C4orf50: variants seen among roughly 807,000 people sequenced by gnomAD.
C4orf50 encodes uncharacterized protein C4orf50.
A neutral mutation model predicts 77.2 loss-of-function variants in C4orf50; 80 were observed. The observed-to-expected ratio is 1.04, with a 90% confidence interval of 0.87 to 1.25. The LOEUF (loss-of-function observed/expected upper bound fraction) is 1.25, where lower values mean the gene tolerates loss of function less well. Ranked by LOEUF, C4orf50 falls within the 50% of genes most tolerant of loss-of-function variation. The probability of loss-of-function intolerance (pLI) is 0.00; values close to 1 mark genes in which losing one functional copy is unlikely to be tolerated. For synonymous variants in C4orf50, 532 were observed against 465.3 expected, an observed-to-expected ratio of 1.14 and a Z score of -1.84; for missense variants, 1,257 against 1,152.9, an observed-to-expected ratio of 1.09 and a Z score of -1.31.
In C4orf50 at chr4:5,932,278, T is replaced by G. The variant is rs539770019; in HGVS notation, c.*2474+24623A>C. On this transcript the variant is annotated intron_variant, in intron 7 of 7. Coordinates refer to the C4orf50 transcript ENST00000324058. This position sits in a 1 kb window ranked among gnomAD's most constrained non-coding sequence, Gnocchi z 4.2. ...TGGCACACTCTTTCCTTGGCCCATT[T>G]ATGGAGCACGCACATGAGTAGCGAG... is the stretch of plus-strand genomic sequence containing the variant. Among the ~76,000 whole-genome samples the G allele has an allele frequency of 2.6e-5, 4 of 152,258 alleles. No homozygotes were observed. In the South Asian group the frequency reaches 8.3e-4, roughly 32 times the overall value.
chr4:5,927,570 G>A (rs1006233562), intron 7 of C4orf50, among the ~76,000 whole-genome samples: 5 of 151,936 alleles, frequency 3.3e-5, no homozygotes, highest in Non-Finnish European at 7.4e-5. Flanking sequence ...TGGTGATAGT[G>A]AGGGAGTTCT....
At chr4:5,987,318 G>A (rs1419653031) in intron 28 of C4orf50, among the ~76,000 whole-genome samples, 1 of 147,812 alleles carries the variant, frequency 6.8e-6, no homozygotes, top group Non-Finnish European at 1.5e-5. Context: ...GGCTGAGGCA[G>A]GAGAACTGCT....
chr4:5,999,952 A>T (rs550798095), intron 25 of C4orf50, among the ~76,000 whole-genome samples: 2 of 152,286 alleles, frequency 1.3e-5, no homozygotes, highest in African/African-American at 4.8e-5. Context: ...GCTCAGTGTG[A>T]CTAAGGTGGC....
downstream of C4orf50, among the ~76,000 whole-genome samples, chr4:5,952,988 G>A (rs1002864763): frequency 6.6e-5 from 10 of 152,224 alleles, no homozygotes; most frequent in Non-Finnish European, 1.2e-4. The surrounding 1 kb of genome is among the most constrained non-coding windows in gnomAD (Gnocchi z 4.4). Context: ...GCTGCTGGGA[G>A]CCTCCTCTGT....
exon 31 of C4orf50, chr4:5,973,790 T>C (rs771120843): frequency 6.2e-7 from 1 of 1,613,520 alleles, no homozygotes. Context: ...AGCAGGTGGG[T>C]GATCAGGCGG....
intron 7 of C4orf50, among the ~76,000 whole-genome samples, chr4:5,917,411 T>C (rs917997938): frequency 9.6e-6 from 1 of 104,604 alleles, no homozygotes; most frequent in South Asian, 3.2e-4. Context: ...TATTTCTTTT[T>C]TTTTTTTTTT....
At chr4:5,966,291 C>T (rs1719558356) in intron 32 of C4orf50, among the ~76,000 whole-genome samples, 1 of 152,060 alleles carries the variant, frequency 6.6e-6, no homozygotes, top group Non-Finnish European at 1.5e-5. Flanking sequence ...GACTGGCCAA[C>T]ATGGAGAAAC....
chr4:5,985,849 G>A (rs2108786010), intron 28 of C4orf50, among the ~76,000 whole-genome samples: 1 of 152,226 alleles, frequency 6.6e-6, no homozygotes, highest in Non-Finnish European at 1.5e-5. Context: ...GGTGCCAGTA[G>A]TCTCAGCTAC....
chr4:5,902,107 CT>C (rs1187801948), intron 7 of C4orf50: 2 of 152,196 alleles, frequency 1.3e-5, no homozygotes, highest in East Asian at 1.9e-4. Context: ...TGAATGAAAC[CT>C]GGTGACTGAC....
At chr4:5,991,079 T>C (rs1157454337) in intron 27 of C4orf50, among the ~76,000 whole-genome samples, 1 of 152,164 alleles carries the variant, frequency 6.6e-6, no homozygotes, top group African/African-American at 2.4e-5. Context: ...CAAATGTGAC[T>C]TCCTTGAAAA....
At chr4:5,948,828 G>A (rs1223611013) in intron 7 of C4orf50, among the ~76,000 whole-genome samples, 1 of 151,688 alleles carries the variant, frequency 6.6e-6, no homozygotes, top group East Asian at 1.9e-4. Flanking sequence ...AGGCGTGGTG[G>A]TGGACACCTG....
exon 33 of C4orf50, chr4:5,965,046 G>T (rs1482282563): frequency 6.2e-7 from 1 of 1,613,334 alleles, no homozygotes; most frequent in East Asian, 2.2e-5. Context: ...CAGTTGGGCT[G>T]TCTGTGCTGG....
chr4:5,942,521 G>C (rs1718311333), intron 7 of C4orf50, among the ~76,000 whole-genome samples: 1 of 152,252 alleles, frequency 6.6e-6, no homozygotes, highest in Admixed American at 6.5e-5. Context: ...TAGTGGGGAT[G>C]AGGGAGGGAG....
chr4:5,967,698 C>T (rs1026894201), intron 31 of C4orf50, among the ~76,000 whole-genome samples: 7 of 152,196 alleles, frequency 4.6e-5, no homozygotes, highest in African/African-American at 1.7e-4. Flanking sequence ...AAAACGATTC[C>T]ATTTCCTTTT....
At chr4:6,003,740 TAGTG>T (rs1262848711) in intron 25 of C4orf50, among the ~76,000 whole-genome samples, 1 of 65,230 alleles carries the variant, frequency 1.5e-5, no homozygotes, top group African/African-American at 6.5e-5. Context: ...ATGGTGATGA[TAGTG>T]GTGATGGTGA....
chr4:6,007,129 T>C lies in C4orf50; in HGVS notation c.963+867A>G, dbSNP rs958929379. Among the ~76,000 whole-genome samples, 8 of 152,156 alleles carry C rather than the reference T, an allele frequency of 5.3e-5. No individual in the cohort carries two copies. Among genetic ancestry groups the C allele is most frequent in the Admixed American group, 2.6e-4 (4 of 15,268 alleles). On this transcript the variant is annotated intron_variant, in intron 25 of 33. Coordinates refer to ENST00000531445, the Ensembl canonical transcript of C4orf50. This position sits in a 1 kb window ranked among gnomAD's most constrained non-coding sequence, Gnocchi z 4.1. ...ACAATAAGGGATACAAGGTGGCTGG[T>C]TGGCTGCCTGACCAGTGGCCAGAGG...
At chr4:5,917,222 A>C (rs1194858000) in intron 7 of C4orf50, among the ~76,000 whole-genome samples, 1 of 152,182 alleles carries the variant, frequency 6.6e-6, no homozygotes, top group African/African-American at 2.4e-5. Context: ...GCTCATTCAC[A>C]CAGCCCTGCT....
At position 6,000,345 on chromosome 4, in the gene C4orf50, CA is replaced by C. The variant is rs1271153441; in HGVS notation, c.964-5870del. Among the ~76,000 whole-genome samples, 1 of 152,146 alleles carries C rather than the reference CA, an allele frequency of 6.6e-6. No homozygotes were observed. The highest frequency in any genetic ancestry group is 1.5e-5 in the Non-Finnish European group (1 of 68,018). ...GCAGTTCCTTATCGATGGGTTCTAA[CA>C]CTTTAATTTATAAATTCCAGGCTGC... On this transcript the variant is annotated intron_variant, in intron 25 of 33. Transcript: ENST00000531445. The surrounding 1 kb of genome is among the most constrained non-coding windows in gnomAD (Gnocchi z 6.0).
chr4:5,980,230 C>T (rs1720502762), exon 29 of C4orf50: 3 of 1,610,830 alleles, frequency 1.9e-6, no homozygotes, highest in African/African-American at 2.7e-5. Flanking sequence ...GCCTGGTGGG[C>T]AGCGCCCTGG....
Sources: allele counts gnomAD v4.1 joint callset (sites outside exome capture counted in the v4.1 genomes callset), GRCh38; gene constraint gnomAD v4.1.1; non-coding constraint Gnocchi (gnomAD v3.1); transcripts MANE v1.5; gene names NCBI Gene and HGNC (gene_info 2026-07-23, HGNC 2026-07-21).